Variants in ADGRL3 observed in about 807,000 individuals in gnomAD.
ADGRL3 encodes the protein adhesion G protein-coupled receptor L3.
In ADGRL3, 62 loss-of-function variants were observed where a neutral mutation model predicts 153.5. The observed-to-expected ratio is 0.40, with a 90% CI of 0.33 to 0.50. The LOEUF (loss-of-function observed/expected upper bound fraction) is 0.50. Among genes scored for constraint, ADGRL3 ranks in the 20% least tolerant of loss-of-function variants. The pLI is 0.47. For missense variants in ADGRL3, 1,641 were observed against 1,859.4 expected, an observed-to-expected ratio of 0.88 and a Z score of 2.16; for synonymous variants, 710 against 672.5, an observed-to-expected ratio of 1.06 and a Z score of -0.86.
intron 2 of ADGRL3, among the ~76,000 whole-genome samples, chr4:61,477,627 G>A (rs1560700725): frequency 6.6e-6 from 1 of 152,098 alleles, no homozygotes; most frequent in Non-Finnish European, 1.5e-5. Flanking sequence ...ATACAAGTGT[G>A]TGTAAGAGGA....
At chr4:61,261,263 C>A (rs2092494877) in intron 1 of ADGRL3, among the ~76,000 whole-genome samples, 1 of 148,532 alleles carries the variant, frequency 6.7e-6, no homozygotes, top group Non-Finnish European at 1.5e-5. Context: ...AACTCCTAGG[C>A]TCAAGAGATC....
intron 13 of ADGRL3, among the ~76,000 whole-genome samples, chr4:61,919,325 C>T (rs780028482): frequency 5.3e-5 from 8 of 152,148 alleles, no homozygotes; most frequent in Admixed American, 1.3e-4. Flanking sequence ...ACAGCAGGTT[C>T]TTGTGGTTTG....
intron 3 of ADGRL3, among the ~76,000 whole-genome samples, chr4:61,504,158 A>T (rs532649510): frequency 6.6e-6 from 1 of 152,092 alleles, no homozygotes; most frequent in African/African-American, 2.4e-5. Flanking sequence ...ACACCTGGCT[A>T]ATTTTTAAAA....
chr4:61,978,526 A>T (rs115741256), intron 17 of ADGRL3, among the ~76,000 whole-genome samples: 2,039 of 152,324 alleles, frequency 0.013, 37 homozygotes, highest in African/African-American at 0.044. Flanking sequence ...AAAAGAATTG[A>T]CAGTCATAAA....
intron 5 of ADGRL3, among the ~76,000 whole-genome samples, chr4:61,611,411 A>AT (rs2091335587): frequency 1.3e-5 from 2 of 152,152 alleles, no homozygotes; most frequent in Admixed American, 6.5e-5. Flanking sequence ...AAAAACCTAG[A>AT]TTTTTTGTTG....
At chr4:61,791,999 C>T (rs1244249986) in intron 8 of ADGRL3, among the ~76,000 whole-genome samples, 1 of 152,184 alleles carries the variant, frequency 6.6e-6, no homozygotes, top group African/African-American at 2.4e-5. Context: ...CCATGAAGAC[C>T]TCTCTCATGG....
intron 8 of ADGRL3, among the ~76,000 whole-genome samples, chr4:61,809,604 C>T (rs949365469): frequency 6.6e-6 from 1 of 152,034 alleles, no homozygotes; most frequent in Non-Finnish European, 1.5e-5. Flanking sequence ...CATCGCACTC[C>T]AGATACCCTT....
At chr4:61,537,343 A>G (rs898598129) in intron 4 of ADGRL3, among the ~76,000 whole-genome samples, 7 of 151,792 alleles carry the variant, frequency 4.6e-5, no homozygotes, top group Non-Finnish European at 8.8e-5. Context: ...TTTTGGTCTG[A>G]TGAGTGTGTG....
intron 25 of ADGRL3, among the ~76,000 whole-genome samples, chr4:62,066,434 G>T (rs532486762): frequency 6.6e-6 from 1 of 151,982 alleles, no homozygotes; most frequent in Non-Finnish European, 1.5e-5. Context: ...TGTTACTGAG[G>T]CATACAGAAT....
At chr4:61,749,385 A>G (rs2096720576) in intron 8 of ADGRL3, among the ~76,000 whole-genome samples, 1 of 152,202 alleles carries the variant, frequency 6.6e-6, no homozygotes, top group Non-Finnish European at 1.5e-5. Context: ...ACTATAAATC[A>G]TGCTGCTGTA....
At chr4:61,983,250 G>T in intron 18 of ADGRL3, 133 bp from the exon 19 acceptor site, 1 of 637,960 alleles carries the variant, frequency 1.6e-6, no homozygotes, top group Non-Finnish European at 2.7e-6. Context: ...TGTGTTTTAA[G>T]AATCTTCCCT....
At chr4:61,999,953 A>G (rs1032476689) in intron 21 of ADGRL3, among the ~76,000 whole-genome samples, 2 of 152,158 alleles carry the variant, frequency 1.3e-5, no homozygotes, top group Admixed American at 1.3e-4. Flanking sequence ...ATTATGTACA[A>G]TTAAACTGTC....
intron 2 of ADGRL3, among the ~76,000 whole-genome samples, chr4:61,392,063 G>A (rs1234653393): frequency 6.7e-6 from 1 of 149,250 alleles, no homozygotes; most frequent in Non-Finnish European, 1.5e-5. Flanking sequence ...TAGAGATGGG[G>A]TTTTGCCGTG....
chr4:61,983,844 T>C (rs370476298), intron 19 of ADGRL3, among the ~76,000 whole-genome samples: 10 of 152,324 alleles, frequency 6.6e-5, no homozygotes, highest in Admixed American at 5.9e-4. Flanking sequence ...TGTGTAATTA[T>C]GAAGAGATCA....
At chr4:61,718,035 TAAATAAAATAAAATAAAGTA>T (rs1461024367) in intron 6 of ADGRL3, among the ~76,000 whole-genome samples, 3 of 151,626 alleles carry the variant, frequency 2.0e-5, no homozygotes, top group Non-Finnish European at 2.9e-5. Flanking sequence ...TCAAAATAAA[TAAATAAAATAAAATAAAGTA>T]AAATAAAATA....
intron 6 of ADGRL3, among the ~76,000 whole-genome samples, chr4:61,683,927 G>A (rs1439611283): frequency 2.0e-5 from 3 of 152,152 alleles, no homozygotes; most frequent in Non-Finnish European, 4.4e-5. Flanking sequence ...ACCGTGCCCT[G>A]CTAGAGCTGA....
At chr4:61,278,233 A>G (rs2093566919) in intron 1 of ADGRL3, among the ~76,000 whole-genome samples, 2 of 152,092 alleles carry the variant, frequency 1.3e-5, no homozygotes. Flanking sequence ...TGTCCCTTTC[A>G]TCTGCCCTTT....
At chr4:61,356,994 A>T (rs1435596642) in intron 1 of ADGRL3, among the ~76,000 whole-genome samples, 1 of 151,634 alleles carries the variant, frequency 6.6e-6, no homozygotes, top group Non-Finnish European at 1.5e-5. Context: ...TTTTTTTTTC[A>T]GTAAAATATT....
At chr4:61,632,018 A>G (rs2093198312) in intron 5 of ADGRL3, among the ~76,000 whole-genome samples, 1 of 152,176 alleles carries the variant, frequency 6.6e-6, no homozygotes, top group African/African-American at 2.4e-5. Context: ...TGAGGTGCCT[A>G]TAAGAGAACT....
Sources: gnomAD v4.1 joint callset for allele counts (sites outside exome capture counted in the v4.1 genomes callset) on GRCh38, gnomAD v4.1.1 for gene constraint, MANE v1.5 for transcripts, NCBI Gene and HGNC (gene_info 2026-07-23, HGNC 2026-07-21) for gene names.